The following STIM2 variants were observed in gnomAD, a reference collection of about 807,000 sequenced individuals.
STIM2 encodes stromal interaction molecule 2.
STIM2 carries 31 observed loss-of-function variants against 85.8 expected under a neutral mutation model. The ratio of observed to expected loss-of-function variants is 0.36; its 90% CI spans 0.27 to 0.49. The LOEUF is 0.49. Among genes scored for constraint, STIM2 ranks in the 20% least tolerant of loss-of-function variants. STIM2 has a pLI of 0.98. For missense variants in STIM2, 841 were observed against 927.6 expected (o/e 0.91, Z 1.21); for synonymous variants, 356 against 331.1 (o/e 1.08, Z -0.82).
At chr4:26,992,184 T>C (rs901230409) in intron 3 of STIM2, among the ~76,000 whole-genome samples, 3 of 152,142 alleles carry the variant, frequency 2.0e-5, no homozygotes, top group African/African-American at 7.2e-5. Flanking sequence ...ATACAAATCC[T>C]TGTCTCACCA....
chr4:26,864,211 T>A (rs1722312701), intron 1 of STIM2, among the ~76,000 whole-genome samples: 1 of 152,110 alleles, frequency 6.6e-6, no homozygotes, highest in African/African-American at 2.4e-5. Context: ...ACAGAACCAA[T>A]ATTCATAACA....
chr4:26,957,871 C>T (rs1478988884), intron 3 of STIM2, 145 bp downstream of exon 3: 4 of 556,394 alleles, frequency 7.2e-6, no homozygotes, highest in African/African-American at 2.0e-5. Context: ...AAATAATTTT[C>T]CCTTCTTGTT....
chr4:26,990,617 G>A (rs912351568), intron 3 of STIM2, among the ~76,000 whole-genome samples: 14 of 152,148 alleles, frequency 9.2e-5, no homozygotes, highest in African/African-American at 3.4e-4. Flanking sequence ...AAAAGCTTCT[G>A]CATGGCAAAG....
chr4:26,959,640 C>T (rs1052771661), intron 3 of STIM2, among the ~76,000 whole-genome samples: 5 of 151,480 alleles, frequency 3.3e-5, no homozygotes, highest in Non-Finnish European at 7.4e-5. Flanking sequence ...TATTCTTAAA[C>T]TCCTTTTTGT....
At chr4:26,920,334 G>A (rs1275883769) in intron 2 of STIM2, among the ~76,000 whole-genome samples, 1 of 152,188 alleles carries the variant, frequency 6.6e-6, no homozygotes, top group Non-Finnish European at 1.5e-5. Flanking sequence ...ACCAGGAAAT[G>A]TGATTCCTTG....
chr4:26,935,563 G>A (rs79383796), intron 2 of STIM2, among the ~76,000 whole-genome samples: 2,232 of 152,222 alleles, frequency 0.015, 58 homozygotes, highest in African/African-American at 0.051. Context: ...AACTTAACAT[G>A]AAAACTTGTT....
intron 1 of STIM2, among the ~76,000 whole-genome samples, chr4:26,869,054 C>T (rs1029646093): frequency 5.3e-5 from 8 of 151,942 alleles, no homozygotes; most frequent in African/African-American, 1.2e-4. Flanking sequence ...CAGCACTTTT[C>T]GAGGCCAAGA....
At chr4:26,879,618 A>T (rs1227307213) in intron 1 of STIM2, among the ~76,000 whole-genome samples, 1 of 152,212 alleles carries the variant, frequency 6.6e-6, no homozygotes, top group Admixed American at 6.5e-5. Context: ...TATTTGAGGA[A>T]ACCGAAGGAC....
intron 1 of STIM2, among the ~76,000 whole-genome samples, chr4:26,878,627 T>C (rs1167375936): frequency 1.3e-5 from 2 of 152,186 alleles, no homozygotes; most frequent in East Asian, 3.8e-4. Context: ...TGTTCTCTTA[T>C]TTAGCCACTG....
intron 10 of STIM2, among the ~76,000 whole-genome samples, chr4:27,017,180 G>A (rs1040327736): frequency 6.6e-6 from 1 of 152,210 alleles, no homozygotes; most frequent in African/African-American, 2.4e-5. Flanking sequence ...CTTCTGTTTA[G>A]TTCCACAGTA....
chr4:26,901,753 A>G (rs1383671932), intron 1 of STIM2, among the ~76,000 whole-genome samples: 1 of 152,204 alleles, frequency 6.6e-6, no homozygotes, highest in African/African-American at 2.4e-5. Flanking sequence ...CGAAGATTAC[A>G]TCTTTAATAA....
At chr4:26,894,267 T>C (rs1364819084) in intron 1 of STIM2, among the ~76,000 whole-genome samples, 2 of 150,986 alleles carry the variant, frequency 1.3e-5, no homozygotes, top group African/African-American at 4.9e-5. Context: ...TATATACTTA[T>C]GTGTGTATAT....
intron 3 of STIM2, among the ~76,000 whole-genome samples, chr4:26,988,575 A>G (rs1338372858): frequency 3.3e-5 from 5 of 152,182 alleles, no homozygotes; most frequent in East Asian, 1.9e-4. Context: ...TTCCTGCACA[A>G]TGTTTAACAA....
intron 11 of STIM2, 86 bp from the exon 12 acceptor site, chr4:27,022,433 T>C (rs556515035): frequency 1.8e-6 from 2 of 1,103,910 alleles, no homozygotes; most frequent in African/African-American, 3.1e-5. Flanking sequence ...CAAAAAGCAA[T>C]GAAAGTTGTT....
intron 1 of STIM2, 48 bp from the exon 2 acceptor site, chr4:26,919,456 C>T (rs753884350): frequency 4.4e-6 from 7 of 1,608,474 alleles, no homozygotes; most frequent in Non-Finnish European, 5.9e-6. Flanking sequence ...TAACTATAGC[C>T]TTTGTTTTGG....
At chr4:26,939,824 A>C (rs1417015149) in intron 2 of STIM2, among the ~76,000 whole-genome samples, 1 of 152,202 alleles carries the variant, frequency 6.6e-6, no homozygotes, top group Non-Finnish European at 1.5e-5. Flanking sequence ...TATATTTAGC[A>C]CTGTACTAAA....
intron 1 of STIM2, among the ~76,000 whole-genome samples, chr4:26,876,233 G>C (rs1022652186): frequency 1.3e-5 from 2 of 152,034 alleles, no homozygotes; most frequent in Non-Finnish European, 2.9e-5. Flanking sequence ...TCAGTAACAG[G>C]GTATTGGTAA....
chr4:26,944,373 T>G (rs1334541750), intron 2 of STIM2, among the ~76,000 whole-genome samples: 1 of 152,168 alleles, frequency 6.6e-6, no homozygotes, highest in Non-Finnish European at 1.5e-5. Context: ...AGTAACAATA[T>G]ACTTTTGATT....
intron 1 of STIM2, among the ~76,000 whole-genome samples, chr4:26,865,072 T>C (rs374884039): frequency 6.6e-6 from 1 of 152,174 alleles, no homozygotes; most frequent in Non-Finnish European, 1.5e-5. Flanking sequence ...GAGACCTTTG[T>C]TCCTCTTATG....
Sources: gnomAD v4.1 joint callset for allele counts (sites outside exome capture counted in the v4.1 genomes callset) on GRCh38, gnomAD v4.1.1 for gene constraint, MANE v1.5 for transcripts, NCBI Gene and HGNC (gene_info 2026-07-23, HGNC 2026-07-21) for gene names.